Variants in TTC28 observed in about 807,000 individuals in gnomAD.
The protein encoded by TTC28 is tetratricopeptide repeat protein 28.
TTC28 carries 61 observed loss-of-function variants against 198.0 expected under a neutral mutation model. The ratio of observed to expected loss-of-function variants is 0.31; its 90% confidence interval spans 0.25 to 0.38. TTC28 has a LOEUF of 0.38. Ranked by LOEUF, TTC28 falls within the 10% of genes least tolerant of loss-of-function variation. The probability of loss-of-function intolerance (pLI) is 1.00; values close to 1 mark genes in which losing one functional copy is unlikely to be tolerated. For missense variants in TTC28, 2,678 were observed against 3,164.0 expected, an observed-to-expected ratio of 0.85 and a Z score of 3.69; for synonymous variants, 1,171 against 1,297.8, an observed-to-expected ratio of 0.90 and a Z score of 2.10.
intron 6 of TTC28, among the ~76,000 whole-genome samples, chr22:28,152,862 T>C (rs1401113957): frequency 1.3e-5 from 2 of 152,156 alleles, no homozygotes; most frequent in East Asian, 3.9e-4. Flanking sequence ...TGTATAACAA[T>C]TAAAATGTAA....
rs757830795 is a variant in TTC28 at position 28,096,253 on chromosome 22, G to C, written c.3703C>G (p.Leu1235Val). The C allele has an allele frequency of 1.3e-6, 2 of 1,551,634 alleles. No individual in the cohort carries two copies. The highest frequency in any genetic ancestry group is 2.4e-5 in the South Asian group (2 of 84,050). The change falls in exon 11 of 23, where the codon CTA becomes GTA. Residue 1235 changes from leucine to valine, a missense_variant. This residue lies in a region of TTC28 where 727 missense variants were observed against 861.9 expected (regional missense o/e 0.84). Coordinates refer to ENST00000397906, the MANE Select transcript of TTC28 (RefSeq NM_001145418.2). ...ILEMVNGQRG[L>V]VLYYSLAAGY... ...GCAGCCAGGGAATAGTAAAGCACTA[G>C]TCCCCTCTGGCCATTTACCATCTCT... is the stretch of plus-strand genomic sequence containing the variant.
At chr22:28,506,885 C>A (rs913451626) in intron 2 of TTC28, among the ~76,000 whole-genome samples, 1 of 152,042 alleles carries the variant, frequency 6.6e-6, no homozygotes, top group Non-Finnish European at 1.5e-5. Context: ...CAAAACAGAC[C>A]CCACAAAAAA....
chr22:28,677,183 T>A (rs371416180), intron 1 of TTC28, among the ~76,000 whole-genome samples: 2,514 of 79,084 alleles, frequency 0.032, 64 homozygotes, highest in Non-Finnish European at 0.045. Flanking sequence ...AAAATATATA[T>A]ATATATATAT....
chr22:28,480,559 T>C (rs1568970706), intron 2 of TTC28, among the ~76,000 whole-genome samples: 1 of 152,232 alleles, frequency 6.6e-6, no homozygotes, highest in Non-Finnish European at 1.5e-5. Flanking sequence ...AACAATCTGA[T>C]GATTGAAATC....
chr22:28,375,800 G>C (rs1245444086), intron 2 of TTC28, among the ~76,000 whole-genome samples: 2 of 152,080 alleles, frequency 1.3e-5, no homozygotes, highest in East Asian at 3.8e-4. Flanking sequence ...GAACTGGAGA[G>C]AACAAAAAGG....
chr22:28,542,245 T>A (rs907665960), intron 2 of TTC28, among the ~76,000 whole-genome samples: 2 of 152,018 alleles, frequency 1.3e-5, no homozygotes, highest in African/African-American at 4.8e-5. Flanking sequence ...AATCTGAAGA[T>A]GCAGCAATAG....
At chr22:28,024,295 T>C (rs16985901) in intron 13 of TTC28, among the ~76,000 whole-genome samples, 2,377 of 152,292 alleles carry the variant, frequency 0.016, 83 homozygotes, top group African/African-American at 0.055. Flanking sequence ...AAAGATGCTG[T>C]GTTTGAGACA....
intron 12 of TTC28, among the ~76,000 whole-genome samples, chr22:28,030,966 T>C (rs1034919219): frequency 1.3e-5 from 2 of 152,188 alleles, no homozygotes; most frequent in South Asian, 4.1e-4. Flanking sequence ...GCCGCTGATT[T>C]GGCCCATTTT....
chr22:28,089,314 C>G (rs577402868), intron 12 of TTC28, among the ~76,000 whole-genome samples: 14 of 152,174 alleles, frequency 9.2e-5, no homozygotes, highest in African/African-American at 3.4e-4. Context: ...CATATATACA[C>G]CATGGAATAC....
At chr22:28,409,653 TTTTC>T (rs1002177841) in intron 2 of TTC28, among the ~76,000 whole-genome samples, 5 of 150,252 alleles carry the variant, frequency 3.3e-5, no homozygotes, top group South Asian at 2.1e-4. Context: ...CCTTTGTGCT[TTTTC>T]TTTTTCTTTT....
intron 2 of TTC28, among the ~76,000 whole-genome samples, chr22:28,600,996 G>A (rs901771889): frequency 6.6e-6 from 1 of 151,980 alleles, no homozygotes; most frequent in East Asian, 1.9e-4. Flanking sequence ...GAAAAATTAT[G>A]ATTCTTACTC....
At chr22:28,557,972 CA>C (rs2049811065) in intron 2 of TTC28, among the ~76,000 whole-genome samples, 1 of 152,158 alleles carries the variant, frequency 6.6e-6, no homozygotes, top group South Asian at 2.1e-4. Flanking sequence ...CTTTCATGAT[CA>C]TTTTTTACTG....
chr22:28,289,576 T>C (rs1207819395), intron 5 of TTC28, among the ~76,000 whole-genome samples: 3 of 152,220 alleles, frequency 2.0e-5, no homozygotes, highest in African/African-American at 7.2e-5. Context: ...CGTGTGTCTG[T>C]AGTCCCAGCC....
At chr22:28,530,025 G>A (rs748657515) in intron 2 of TTC28, among the ~76,000 whole-genome samples, 5 of 152,314 alleles carry the variant, frequency 3.3e-5, no homozygotes, top group East Asian at 3.9e-4. Flanking sequence ...GAAGCTCCTC[G>A]CCAGCAACGG....
At chr22:28,619,299 TGTAATGTTAACCC>T (rs1216807115) in intron 2 of TTC28, among the ~76,000 whole-genome samples, 1 of 152,218 alleles carries the variant, frequency 6.6e-6, no homozygotes. Context: ...CTTCAAGATA[TGTAATGTTAACCC>T]AGATACAAAT....
chr22:28,178,807 C>G (rs550653202), intron 5 of TTC28, among the ~76,000 whole-genome samples: 2 of 152,284 alleles, frequency 1.3e-5, no homozygotes, highest in Admixed American at 1.3e-4. Flanking sequence ...TAAGGCTAGA[C>G]TCAAAGAGGC....
At chr22:28,261,232 A>G (rs1931298591) in intron 5 of TTC28, among the ~76,000 whole-genome samples, 1 of 152,200 alleles carries the variant, frequency 6.6e-6, no homozygotes, top group Non-Finnish European at 1.5e-5. Flanking sequence ...AACTAAATAC[A>G]TAAAAAAGTC....
At chr22:28,572,331 T>C (rs1286835753) in intron 2 of TTC28, among the ~76,000 whole-genome samples, 2 of 152,112 alleles carry the variant, frequency 1.3e-5, no homozygotes, top group Non-Finnish European at 2.9e-5. Context: ...AAAAAAGAAT[T>C]GCTCATAGCA....
At chr22:28,495,159 A>G (rs1211513253) in intron 2 of TTC28, among the ~76,000 whole-genome samples, 3 of 152,168 alleles carry the variant, frequency 2.0e-5, no homozygotes, top group Admixed American at 6.5e-5. Context: ...AAATGAAATC[A>G]TTAAAGAAAT....
Sources: gnomAD v4.1 joint callset for allele counts (sites outside exome capture counted in the v4.1 genomes callset) on GRCh38, gnomAD v4.1.1 for gene constraint, gnomAD v4.1.1 regional missense constraint, MANE v1.5 for transcripts, NCBI Gene and HGNC (gene_info 2026-07-23, HGNC 2026-07-21) for gene names.